Variants in STXBP5L observed in about 807,000 individuals in gnomAD.
STXBP5L encodes syntaxin-binding protein 5-like.
Under a neutral mutation model 144.5 loss-of-function variants are expected in STXBP5L, and 65 were observed. The ratio of observed to expected loss-of-function variants is 0.45; its 90% CI spans 0.37 to 0.55. The LOEUF is 0.55. STXBP5L is among the 20% of genes least tolerant of loss of function. The pLI is 0.00. For missense variants in STXBP5L, 1,298 were observed against 1,405.5 expected (o/e 0.92, Z 1.22); for synonymous variants, 505 against 469.6 (o/e 1.08, Z -0.97).
At chr3:121,217,195 C>G (rs2048808397) in intron 10 of STXBP5L, among the ~76,000 whole-genome samples, 1 of 152,130 alleles carries the variant, frequency 6.6e-6, no homozygotes, top group African/African-American at 2.4e-5. Flanking sequence ...GTGAATGGTT[C>G]TGTCTTGCTG....
intron 7 of STXBP5L, among the ~76,000 whole-genome samples, chr3:121,145,140 G>A (rs1360493017): frequency 2.0e-5 from 3 of 151,642 alleles, no homozygotes; most frequent in Non-Finnish European, 4.4e-5. Flanking sequence ...TTATAAATTT[G>A]TTAATAGGGT....
chr3:120,961,656 C>G (rs1244370949), intron 3 of STXBP5L, among the ~76,000 whole-genome samples: 3 of 152,154 alleles, frequency 2.0e-5, no homozygotes, highest in Non-Finnish European at 4.4e-5. Context: ...GCCATATTTT[C>G]TTAATCCAGT....
At chr3:121,064,723 G>A (rs890288038) in intron 5 of STXBP5L, among the ~76,000 whole-genome samples, 1 of 152,046 alleles carries the variant, frequency 6.6e-6, no homozygotes, top group Non-Finnish European at 1.5e-5. Context: ...TTAAATATTT[G>A]ATTTTTTAAA....
At chr3:121,068,714 T>C (rs1576844485) in intron 5 of STXBP5L, among the ~76,000 whole-genome samples, 1 of 152,246 alleles carries the variant, frequency 6.6e-6, no homozygotes, top group South Asian at 2.1e-4. Context: ...GTTTAGTATG[T>C]TAATATTGTT....
At chr3:121,224,056 A>G (rs1242939400) in intron 11 of STXBP5L, among the ~76,000 whole-genome samples, 1 of 152,320 alleles carries the variant, frequency 6.6e-6, no homozygotes, top group East Asian at 1.9e-4. Context: ...TTTTTAAGAC[A>G]GAATATGCAG....
intron 3 of STXBP5L, among the ~76,000 whole-genome samples, chr3:120,971,148 C>G (rs750754642): frequency 5.9e-5 from 9 of 152,114 alleles, no homozygotes; most frequent in Non-Finnish European, 5.9e-5. Flanking sequence ...TGGGAAAAAT[C>G]TGGTTAGAAA....
intron 20 of STXBP5L, among the ~76,000 whole-genome samples, chr3:121,366,057 T>G (rs572517406): frequency 1.3e-5 from 2 of 152,104 alleles, no homozygotes; most frequent in South Asian, 2.1e-4. Flanking sequence ...TTTCCACAAG[T>G]TTGTTAATTT....
chr3:121,112,328 G>T (rs2044025550), intron 5 of STXBP5L, among the ~76,000 whole-genome samples: 1 of 152,122 alleles, frequency 6.6e-6, no homozygotes, highest in South Asian at 2.1e-4. Flanking sequence ...CAGATTCGTG[G>T]AAAAAGCATG....
At chr3:121,314,980 A>G (rs1029664530) in intron 19 of STXBP5L, among the ~76,000 whole-genome samples, 11 of 152,154 alleles carry the variant, frequency 7.2e-5, no homozygotes, top group Non-Finnish European at 1.2e-4. Context: ...AAAAGTCAGG[A>G]AACAACAGGT....
chr3:120,908,552 G>A (rs1244698548), intron 1 of STXBP5L, among the ~76,000 whole-genome samples: 1 of 151,868 alleles, frequency 6.6e-6, no homozygotes, highest in Non-Finnish European at 1.5e-5. Flanking sequence ...GAGCGCGAAT[G>A]CCTCGGCGTG....
At chr3:120,972,473 A>G (rs1940387497) in intron 3 of STXBP5L, among the ~76,000 whole-genome samples, 1 of 151,950 alleles carries the variant, frequency 6.6e-6, no homozygotes, top group Non-Finnish European at 1.5e-5. Context: ...CTTTTGGAGG[A>G]GCATTTAGGG....
chr3:121,030,181 T>A (rs1043509933), intron 3 of STXBP5L, among the ~76,000 whole-genome samples: 5 of 152,178 alleles, frequency 3.3e-5, no homozygotes, highest in Admixed American at 6.6e-5. Context: ...TTACTGGGTG[T>A]ATACCCAAAG....
chr3:121,400,999 C>T (rs986758081), intron 22 of STXBP5L, among the ~76,000 whole-genome samples: 3 of 152,000 alleles, frequency 2.0e-5, no homozygotes, highest in Non-Finnish European at 4.4e-5. Context: ...AATTTGCAAC[C>T]TTCAATGGTA....
chr3:120,970,505 T>C (rs1248787039), intron 3 of STXBP5L, among the ~76,000 whole-genome samples: 4 of 152,154 alleles, frequency 2.6e-5, no homozygotes, highest in African/African-American at 9.6e-5. Flanking sequence ...CCCATTATCA[T>C]CTGGACAGCA....
At chr3:121,295,416 TAGTAGTTTTTC>T (rs2051611173) in intron 19 of STXBP5L, among the ~76,000 whole-genome samples, 1 of 152,172 alleles carries the variant, frequency 6.6e-6, no homozygotes, top group African/African-American at 2.4e-5. Context: ...TTCAGTATTT[TAGTAGTTTTTC>T]CTCTTAAAAT....
intron 5 of STXBP5L, among the ~76,000 whole-genome samples, chr3:121,102,460 A>T (rs1352188925): frequency 1.3e-5 from 2 of 152,126 alleles, no homozygotes. Context: ...AACCAATGGG[A>T]AAAGTACTCC....
intron 22 of STXBP5L, among the ~76,000 whole-genome samples, chr3:121,388,357 A>G (rs1474579957): frequency 6.6e-6 from 1 of 152,150 alleles, no homozygotes; most frequent in East Asian, 1.9e-4. Flanking sequence ...AGACAATTTA[A>G]CTTCCTTTTT....
At chr3:121,316,579 C>A (rs1343868265) in intron 19 of STXBP5L, among the ~76,000 whole-genome samples, 1 of 152,118 alleles carries the variant, frequency 6.6e-6, no homozygotes, top group African/African-American at 2.4e-5. Flanking sequence ...AATATTATAA[C>A]CCCTCTAATT....
intron 2 of STXBP5L, 41 bp from the exon 3 acceptor site, chr3:120,954,899 A>T: frequency 1.3e-6 from 2 of 1,527,794 alleles, no homozygotes; most frequent in Non-Finnish European, 1.8e-6. Flanking sequence ...TGTAATTTTT[A>T]TTTCCCTAGA....
Sources: allele counts gnomAD v4.1 joint callset (sites outside exome capture counted in the v4.1 genomes callset), GRCh38; gene constraint gnomAD v4.1.1; transcripts MANE v1.5; gene names NCBI Gene and HGNC (gene_info 2026-07-23, HGNC 2026-07-21).